STX8: variants seen among roughly 807,000 people sequenced by gnomAD.
STX8 encodes syntaxin 8.
In STX8, 23 loss-of-function variants were observed where a neutral mutation model predicts 37.5. The ratio of observed to expected loss-of-function variants is 0.61; its 90% confidence interval spans 0.44 to 0.87. STX8 has a LOEUF of 0.87. Ranked by LOEUF, STX8 falls within the 40% of genes least tolerant of loss-of-function variation. The probability of loss-of-function intolerance (pLI) is 0.00; values close to 1 mark genes in which losing one functional copy is unlikely to be tolerated. For synonymous variants in STX8, 115 were observed against 99.1 expected, an observed-to-expected ratio of 1.16 and a Z score of -0.95; for missense variants, 313 against 284.7, an observed-to-expected ratio of 1.10 and a Z score of -0.71.
chr17:9,333,193 C>T (rs1360812133), intron 7 of STX8, among the ~76,000 whole-genome samples: 1 of 152,156 alleles, frequency 6.6e-6, no homozygotes, highest in Non-Finnish European at 1.5e-5. Flanking sequence ...GAATGATCCC[C>T]TCAGCGAGGT....
chr17:9,468,636 T>C (rs903783215), intron 6 of STX8, among the ~76,000 whole-genome samples: 2 of 152,204 alleles, frequency 1.3e-5, no homozygotes, highest in African/African-American at 4.8e-5. Flanking sequence ...GCAAGGCCTT[T>C]CTGCCTCAGC....
intron 7 of STX8, among the ~76,000 whole-genome samples, chr17:9,317,297 C>T (rs920399538): frequency 4.6e-5 from 7 of 152,016 alleles, no homozygotes; most frequent in Non-Finnish European, 1.0e-4. Flanking sequence ...GAGGAAGAGC[C>T]GGCACTGAAG....
intron 7 of STX8, among the ~76,000 whole-genome samples, chr17:9,368,280 C>T (rs781576862): frequency 5.9e-5 from 9 of 152,040 alleles, no homozygotes; most frequent in Middle Eastern, 3.4e-3. Context: ...CGAGGAGGGC[C>T]AATCACGAGG....
chr17:9,558,086 G>A (rs1907051446), intron 2 of STX8, among the ~76,000 whole-genome samples: 1 of 152,132 alleles, frequency 6.6e-6, no homozygotes, highest in Admixed American at 6.5e-5. Context: ...TCTTTTCCCA[G>A]GAGGGTGCGC....
Position 9,516,298 on chromosome 17 carries a change from CATATATATAT to C in STX8, c.324-11146_324-11137del, listed in dbSNP as rs150682084. Among the ~76,000 whole-genome samples the C allele has an allele frequency of 8.6e-3, 443 of 51,744 alleles. 5 individuals carry two copies. The highest frequency in any genetic ancestry group is 0.03 in the Middle Eastern group (2 of 66). The allele number at this position is 51,744 out of a possible 152,430, so 33.9% of individuals were successfully genotyped here. ...AAAAATGACACATTAGAACCACAGT[CATATATATAT>C]ATATATATATATATATATATATATA... On this transcript the variant is annotated intron_variant, in intron 4 of 7. Transcript: ENST00000306357.
At chr17:9,490,336 G>A (rs553562376) in intron 6 of STX8, among the ~76,000 whole-genome samples, 2 of 152,150 alleles carry the variant, frequency 1.3e-5, no homozygotes, top group Admixed American at 6.5e-5. Context: ...GCAGGTGTTC[G>A]TCTATCCCCA....
intron 2 of STX8, among the ~76,000 whole-genome samples, chr17:9,564,025 T>C (rs919336441): frequency 1.3e-5 from 2 of 152,206 alleles, no homozygotes; most frequent in Non-Finnish European, 2.9e-5. Flanking sequence ...GAAAGGCTTT[T>C]GATAAAATTC....
intron 7 of STX8, among the ~76,000 whole-genome samples, chr17:9,299,797 T>TA (rs1935033899): frequency 6.6e-6 from 1 of 152,202 alleles, no homozygotes; most frequent in African/African-American, 2.4e-5. Flanking sequence ...GTCAGTGAAG[T>TA]AGAGTTACCG....
chr17:9,254,930 T>C (rs773947972), intron 7 of STX8, among the ~76,000 whole-genome samples: 2 of 151,898 alleles, frequency 1.3e-5, no homozygotes, highest in Non-Finnish European at 2.9e-5. Context: ...AAGAGAGGCA[T>C]AGAAGGAGTG....
rs34297134 is a variant in STX8, at chr17:9,523,311, CAA to C, written c.324-18151_324-18150del. On this transcript the variant is annotated intron_variant, in intron 4 of 7. Transcript: ENST00000306357. ...TGGGCAACAGAGCGAGACTCCATCT[CAA>C]AAAAAAAAAAAAAAATCACACTGTA... is the stretch of plus-strand genomic sequence containing the variant. 4.8e-3 allele frequency among the ~76,000 whole-genome samples: 592 copies of C among 123,220 alleles called. 1 individual carries two copies. Among genetic ancestry groups the C allele is most frequent in the African/African-American group, 0.014 (435 of 31,082 alleles). The allele number at this position is 123,220 out of a possible 152,430, so 80.8% of individuals were successfully genotyped here.
At chr17:9,337,328 T>C (rs1030453424) in intron 7 of STX8, among the ~76,000 whole-genome samples, 3 of 152,002 alleles carry the variant, frequency 2.0e-5, no homozygotes, top group Non-Finnish European at 4.4e-5. Context: ...ATGAGCCAAG[T>C]AGTATACTCC....
chr17:9,288,104 G>A (rs1445854061), intron 7 of STX8, among the ~76,000 whole-genome samples: 2 of 118,622 alleles, frequency 1.7e-5, no homozygotes, highest in Non-Finnish European at 3.4e-5. Flanking sequence ...ACAAGGGGGG[G>A]GGGGGGGAGA....
At chr17:9,251,361 C>T (rs926803215) in intron 7 of STX8, among the ~76,000 whole-genome samples, 3 of 152,218 alleles carry the variant, frequency 2.0e-5, no homozygotes, top group Non-Finnish European at 2.9e-5. Context: ...TCACTTAGTG[C>T]AATGAGCTCA....
At chr17:9,570,913 G>A (rs895253518) in intron 1 of STX8, among the ~76,000 whole-genome samples, 5 of 152,176 alleles carry the variant, frequency 3.3e-5, no homozygotes, top group African/African-American at 1.2e-4. Flanking sequence ...CAGACAGGAG[G>A]GAGGAGCACA....
intron 7 of STX8, among the ~76,000 whole-genome samples, chr17:9,368,879 G>A (rs1911310654): frequency 6.6e-6 from 1 of 150,568 alleles, no homozygotes; most frequent in African/African-American, 2.5e-5. Context: ...TACAGCATGT[G>A]TCCCCTCTCT....
chr17:9,527,528 A>C (rs1375082600), intron 4 of STX8, among the ~76,000 whole-genome samples: 1 of 152,228 alleles, frequency 6.6e-6, no homozygotes, highest in African/African-American at 2.4e-5. Context: ...GTTTATTCAG[A>C]AACTGGAGTT....
intron 7 of STX8, among the ~76,000 whole-genome samples, chr17:9,344,322 G>A (rs896712974): frequency 8.0e-5 from 12 of 150,254 alleles, no homozygotes; most frequent in African/African-American, 2.5e-4. Context: ...ATGCAATGTC[G>A]TGATCTTGTC....
At chr17:9,450,552 A>C (rs1436485040) in intron 6 of STX8, among the ~76,000 whole-genome samples, 1 of 151,962 alleles carries the variant, frequency 6.6e-6, no homozygotes, top group Non-Finnish European at 1.5e-5. Flanking sequence ...CTCCAGCCTC[A>C]GCCTCCCTAG....
At chr17:9,570,212 T>C (rs1907631046) in intron 1 of STX8, among the ~76,000 whole-genome samples, 1 of 152,136 alleles carries the variant, frequency 6.6e-6, no homozygotes. Flanking sequence ...AGTGTTTTTT[T>C]TTAAATGAAG....
Sources: gnomAD v4.1 joint callset for allele counts (sites outside exome capture counted in the v4.1 genomes callset) on GRCh38, gnomAD v4.1.1 for gene constraint, MANE v1.5 for transcripts, NCBI Gene and HGNC (gene_info 2026-07-23, HGNC 2026-07-21) for gene names.